Variants in CNTNAP2 observed in about 807,000 individuals in gnomAD.
The protein encoded by CNTNAP2 is contactin-associated protein-like 2.
Under a neutral mutation model 155.2 loss-of-function variants are expected in CNTNAP2, and 98 were observed. The observed-to-expected ratio is 0.63, with a 90% CI of 0.54 to 0.75. The LOEUF (loss-of-function observed/expected upper bound fraction) is 0.75. Among genes scored for constraint, CNTNAP2 ranks in the 30% least tolerant of loss-of-function variants. The probability of loss-of-function intolerance (pLI) is 0.00; values close to 1 mark genes in which losing one functional copy is unlikely to be tolerated. For synonymous variants in CNTNAP2, 651 were observed against 631.2 expected, an observed-to-expected ratio of 1.03 and a Z score of -0.47; for missense variants, 1,727 against 1,688.1, an observed-to-expected ratio of 1.02 and a Z score of -0.40.
chr7:147,312,851 T>G (rs13309449), intron 9 of CNTNAP2, among the ~76,000 whole-genome samples: 32,143 of 99,548 alleles, frequency 0.32, 6,543 homozygotes, highest in African/African-American at 0.43. Context: ...ACTTCCACAA[T>G]GGTTGAACTA....
At chr7:147,842,209 A>G (rs1798745438) in intron 13 of CNTNAP2, among the ~76,000 whole-genome samples, 1 of 152,226 alleles carries the variant, frequency 6.6e-6, no homozygotes. Context: ...ATACTTTACC[A>G]AAGGTCACAT....
intron 12 of CNTNAP2, among the ~76,000 whole-genome samples, chr7:147,565,518 A>C (rs10270032): frequency 0.7 from 107,080 of 152,006 alleles, 38,011 homozygotes; most frequent in African/African-American, 0.77. Context: ...CCAGCTCTGA[A>C]GCTATTATTG....
At chr7:146,124,040 T>C (rs762134548) in intron 1 of CNTNAP2, among the ~76,000 whole-genome samples, 2 of 151,430 alleles carry the variant, frequency 1.3e-5, no homozygotes, top group African/African-American at 2.4e-5. Flanking sequence ...TAAGTGGGAG[T>C]TGAATAATGA....
chr7:146,505,852 G>A (rs1296042726), intron 1 of CNTNAP2, among the ~76,000 whole-genome samples: 1 of 152,162 alleles, frequency 6.6e-6, no homozygotes, highest in East Asian at 1.9e-4. Flanking sequence ...GCCTCTACTG[G>A]GGCCTGGCTG....
rs116168085 is a variant in CNTNAP2, at chr7:146,582,612, A to G, written c.98-191659A>G. Among the ~76,000 whole-genome samples the G allele has an allele frequency of 6.5e-3, 994 of 152,250 alleles. 8 individuals carry two copies. The highest frequency in any genetic ancestry group is 0.023 in the African/African-American group (950 of 41,564). ...TGTGATCAAGAGGTTTTTCACATGGACAACTCTAGAAAGCCTTATGCAGAG... is the reference window on the plus strand; with the variant it reads ...TGTGATCAAGAGGTTTTTCACATGGGCAACTCTAGAAAGCCTTATGCAGAG... On this transcript the variant is annotated intron_variant, in intron 1 of 23. Transcript: ENST00000361727.
chr7:146,595,564 C>G (rs1333241255), intron 1 of CNTNAP2, among the ~76,000 whole-genome samples: 2 of 152,004 alleles, frequency 1.3e-5, no homozygotes, highest in East Asian at 3.8e-4. Flanking sequence ...CTCATAGCCT[C>G]TGGCAGGAGC....
intron 3 of CNTNAP2, among the ~76,000 whole-genome samples, chr7:147,027,017 A>AC (rs1491034004): frequency 6.1e-5 from 8 of 131,746 alleles, no homozygotes; most frequent in African/African-American, 2.5e-4. Context: ...AAAAAAAAAA[A>AC]CAAAAAAAAG....
At chr7:148,375,351 G>A (rs1798964824) in intron 21 of CNTNAP2, among the ~76,000 whole-genome samples, 1 of 146,124 alleles carries the variant, frequency 6.8e-6, no homozygotes, top group Non-Finnish European at 1.5e-5. Context: ...TATATATATA[G>A]TATATTATAT....
At chr7:146,566,871 G>T (rs1211000792) in intron 1 of CNTNAP2, among the ~76,000 whole-genome samples, 1 of 151,844 alleles carries the variant, frequency 6.6e-6, no homozygotes, top group Non-Finnish European at 1.5e-5. Flanking sequence ...CTTTTGTGTT[G>T]GAGATAACAG....
At chr7:148,119,732 A>G (rs1020584685) in intron 16 of CNTNAP2, among the ~76,000 whole-genome samples, 1 of 152,204 alleles carries the variant, frequency 6.6e-6, no homozygotes, top group Non-Finnish European at 1.5e-5. Flanking sequence ...TTTCTGATTT[A>G]TAAAAAGGAA....
chr7:147,632,112 G>T (rs1795096309), intron 12 of CNTNAP2, among the ~76,000 whole-genome samples: 1 of 152,076 alleles, frequency 6.6e-6, no homozygotes, highest in Non-Finnish European at 1.5e-5. Flanking sequence ...GAATCCACAA[G>T]AAACTCAAAC....
intron 10 of CNTNAP2, among the ~76,000 whole-genome samples, chr7:147,480,002 C>T (rs1798393858): frequency 6.6e-6 from 1 of 151,980 alleles, no homozygotes; most frequent in Non-Finnish European, 1.5e-5. Context: ...AATATCCTTT[C>T]AACTGAAATC....
intron 1 of CNTNAP2, among the ~76,000 whole-genome samples, chr7:146,581,069 A>T (rs772529750): frequency 6.6e-6 from 1 of 152,164 alleles, no homozygotes; most frequent in African/African-American, 2.4e-5. Context: ...GTCTTAAGCA[A>T]CTTTAAACCT....
At chr7:146,613,534 T>C (rs1482246032) in intron 1 of CNTNAP2, among the ~76,000 whole-genome samples, 1 of 152,216 alleles carries the variant, frequency 6.6e-6, no homozygotes, top group Admixed American at 6.5e-5. Context: ...AAATACATTT[T>C]ATTTAATCCA....
chr7:147,347,822 TTAAAACAGATACATGGACTAA>T (rs759164639), intron 9 of CNTNAP2, among the ~76,000 whole-genome samples: 1 of 152,052 alleles, frequency 6.6e-6, no homozygotes, highest in Non-Finnish European at 1.5e-5. Flanking sequence ...AATACTGGCC[TTAAAACAGATACATGGACTAA>T]TAAAACAGAA....
At chr7:148,163,702 G>A (rs879752692) in intron 17 of CNTNAP2, among the ~76,000 whole-genome samples, 14 of 152,278 alleles carry the variant, frequency 9.2e-5, no homozygotes, top group Admixed American at 5.9e-4. Context: ...CCAAACCCCA[G>A]TTCTCTCAGT....
intron 13 of CNTNAP2, among the ~76,000 whole-genome samples, chr7:147,888,213 A>T (rs75174936): frequency 2.6e-5 from 4 of 152,000 alleles, no homozygotes; most frequent in African/African-American, 9.7e-5. Flanking sequence ...ATTGAAAAAA[A>T]TTTTAAAGAG....
chr7:147,816,085 C>T (rs767788393), intron 13 of CNTNAP2, among the ~76,000 whole-genome samples: 2 of 152,222 alleles, frequency 1.3e-5, no homozygotes, highest in Admixed American at 6.5e-5. Flanking sequence ...GTTTCACTAA[C>T]ATTGTCCCAA....
intron 13 of CNTNAP2, among the ~76,000 whole-genome samples, chr7:147,746,064 A>T (rs1797037862): frequency 6.6e-6 from 1 of 152,228 alleles, no homozygotes; most frequent in South Asian, 2.1e-4. Flanking sequence ...AGGGTCAAAT[A>T]TGCAGGTTCT....
Sources: allele counts gnomAD v4.1 joint callset (sites outside exome capture counted in the v4.1 genomes callset), GRCh38; gene constraint gnomAD v4.1.1; transcripts MANE v1.5; gene names NCBI Gene and HGNC (gene_info 2026-07-23, HGNC 2026-07-21).